The following PEBP4 variants were observed in gnomAD, a reference collection of about 807,000 sequenced individuals.
The protein encoded by PEBP4 is phosphatidylethanolamine binding protein 4.
Under a neutral mutation model 23.9 loss-of-function variants are expected in PEBP4, and 22 were observed. That is an observed-to-expected ratio of 0.92 (90% CI 0.66 to 1.31). The LOEUF (loss-of-function observed/expected upper bound fraction) is 1.31, where lower values mean the gene tolerates loss of function less well. Ranked by LOEUF, PEBP4 falls within the 40% of genes most tolerant of loss-of-function variation. The pLI is 0.00. For missense variants in PEBP4, 324 were observed against 281.7 expected (o/e 1.15, Z -1.07); for synonymous variants, 112 against 99.3 (o/e 1.13, Z -0.76).
At chr8:22,809,042 C>G (rs1240051097) in intron 4 of PEBP4, among the ~76,000 whole-genome samples, 2 of 152,108 alleles carry the variant, frequency 1.3e-5, no homozygotes, top group Non-Finnish European at 2.9e-5. Context: ...TTGGGAGTGA[C>G]ATACATTTTG....
intron 3 of PEBP4, among the ~76,000 whole-genome samples, chr8:22,838,266 T>C (rs1176387207): frequency 6.6e-6 from 1 of 152,226 alleles, no homozygotes; most frequent in African/African-American, 2.4e-5. Flanking sequence ...CCTAGCATAC[T>C]TTCTTGCACA....
At chr8:22,928,274 G>A (rs1182973992), upstream of PEBP4, among the ~76,000 whole-genome samples, 1 of 152,234 alleles carries the variant, frequency 6.6e-6, no homozygotes, top group African/African-American at 2.4e-5. Flanking sequence ...GGTGGAGGTG[G>A]TTGGACACAG....
At chr8:22,832,301 C>T (rs1457471641) in intron 3 of PEBP4, among the ~76,000 whole-genome samples, 2 of 152,106 alleles carry the variant, frequency 1.3e-5, no homozygotes, top group Admixed American at 6.5e-5. Context: ...TTGTGATGGG[C>T]TAGGTACCTT....
chr8:22,773,798 G>C (rs777490081), intron 4 of PEBP4, among the ~76,000 whole-genome samples: 2 of 152,166 alleles, frequency 1.3e-5, no homozygotes, highest in South Asian at 4.1e-4. Context: ...AGGGTTGCTT[G>C]CTGTTCCAAC....
At chr8:22,810,554 A>G (rs974647314) in intron 4 of PEBP4, among the ~76,000 whole-genome samples, 3 of 151,688 alleles carry the variant, frequency 2.0e-5, no homozygotes, top group Non-Finnish European at 4.4e-5. Flanking sequence ...GGTCTTATAC[A>G]TTTTCTGGCT....
intron 6 of PEBP4, among the ~76,000 whole-genome samples, chr8:22,717,030 C>G (rs964246265): frequency 6.6e-6 from 1 of 152,210 alleles, no homozygotes; most frequent in African/African-American, 2.4e-5. Context: ...AGACAAGGTC[C>G]CCACCCCTAG....
intron 4 of PEBP4, among the ~76,000 whole-genome samples, chr8:22,729,681 C>A (rs1351048122): frequency 6.6e-6 from 1 of 152,256 alleles, no homozygotes; most frequent in Non-Finnish European, 1.5e-5. Flanking sequence ...CCAGCAGATC[C>A]TGTGCTTGAC....
intron 6 of PEBP4, among the ~76,000 whole-genome samples, chr8:22,714,755 C>T (rs773199698): frequency 1.4e-4 from 22 of 152,062 alleles, no homozygotes; most frequent in Non-Finnish European, 3.2e-4. Context: ...ACCTGCCTGT[C>T]TCCTCGGTCA....
At chr8:22,765,151 T>TCCTTCCTTCCTTCCTG (rs71206546) in intron 4 of PEBP4, among the ~76,000 whole-genome samples, 1 of 151,592 alleles carries the variant, frequency 6.6e-6, no homozygotes, top group Non-Finnish European at 1.5e-5. Context: ...CTTCCTTCCT[T>TCCTTCCTTCCTTCCTG]TCTTTCTTCT....
intron 4 of PEBP4, among the ~76,000 whole-genome samples, chr8:22,788,746 G>A (rs1806078143): frequency 6.6e-6 from 1 of 152,172 alleles, no homozygotes; most frequent in Non-Finnish European, 1.5e-5. Flanking sequence ...TAGTTAACAT[G>A]TACCAAAAAG....
chr8:22,714,047 A>G (rs1390793329), intron 6 of PEBP4, among the ~76,000 whole-genome samples: 1 of 152,064 alleles, frequency 6.6e-6, no homozygotes, highest in Non-Finnish European at 1.5e-5. Context: ...CTAAACCCCA[A>G]ACACCTCCTC....
chr8:22,724,888 C>T lies in PEBP4; in HGVS notation c.472G>A (p.Glu158Lys), dbSNP rs1804591777. The part of the protein sequence containing the change: ...HRYQFFVYLQ[E>K]GKVISLLPKE... ...GGAAGGAGAGAGATGACTTTTCCTT[C>T]CTGAAGATAGACAAAGAACTGGTAG... Residue 158 changes from glutamate to lysine, a missense_variant, in exon 6 of 7, where the codon GAA becomes AAA. Physicochemically the swap from Glu to Lys is moderately conservative, Grantham distance 56. Coordinates refer to ENST00000256404, the MANE Select transcript of PEBP4 (RefSeq NM_144962.3). 2 of 1,614,110 alleles carry T rather than the reference C, an allele frequency of 1.2e-6. No homozygotes were observed. The highest frequency in any genetic ancestry group is 8.5e-7 in the Non-Finnish European group (1 of 1,180,018).
intron 3 of PEBP4, among the ~76,000 whole-genome samples, chr8:22,857,977 G>C (rs1363932273): frequency 2.0e-5 from 3 of 152,174 alleles, no homozygotes; most frequent in African/African-American, 7.2e-5. Context: ...ACCGTCCATG[G>C]GGCAAACTCT....
chr8:22,723,891 C>T (rs542037832), intron 6 of PEBP4, among the ~76,000 whole-genome samples: 129 of 152,282 alleles, frequency 8.5e-4, no homozygotes, highest in African/African-American at 3.1e-3. Flanking sequence ...GTGGGGCCTC[C>T]GGCATCGCGG....
At chr8:22,836,599 C>G (rs982366153) in intron 3 of PEBP4, among the ~76,000 whole-genome samples, 1 of 152,246 alleles carries the variant, frequency 6.6e-6, no homozygotes, top group African/African-American at 2.4e-5. Context: ...AAGGAACGCT[C>G]TCGCCTGGCT....
chr8:22,891,890 G>A (rs369393070), intron 3 of PEBP4, among the ~76,000 whole-genome samples: 3 of 152,204 alleles, frequency 2.0e-5, no homozygotes, highest in Admixed American at 6.5e-5. Context: ...TGGCTGACAC[G>A]GTGAAACCCC....
At chr8:22,750,944 T>A (rs1297517496) in intron 4 of PEBP4, among the ~76,000 whole-genome samples, 4 of 152,130 alleles carry the variant, frequency 2.6e-5, no homozygotes, top group Non-Finnish European at 5.9e-5. Context: ...GAGAAAAAAA[T>A]GCCTGGGTAA....
At chr8:22,821,094 G>A (rs918607249) in intron 3 of PEBP4, among the ~76,000 whole-genome samples, 6 of 152,158 alleles carry the variant, frequency 3.9e-5, no homozygotes, top group African/African-American at 1.4e-4. Flanking sequence ...TCGGGAGGCT[G>A]AAGTGGAAGG....
In PEBP4 at chr8:22,865,029, C is replaced by A. The variant is rs914832080; in HGVS notation, c.259-47294G>T. The stretch of plus-strand genomic sequence containing the variant: ...CAGGTGTGACCGTGAGAGAGGGAGG[C>A]AGGCGGCGAGGCCAAGGGGTAGGTC... On this transcript the variant is annotated intron_variant, in intron 3 of 6. Coordinates refer to ENST00000256404, the MANE Select transcript of PEBP4 (RefSeq NM_144962.3). This position sits in a 1 kb window ranked among gnomAD's most constrained non-coding sequence, Gnocchi z 6.9. Among the ~76,000 whole-genome samples the A allele has an allele frequency of 2.0e-5, 3 of 152,110 alleles. No homozygotes were observed. Among genetic ancestry groups the A allele is most frequent in the African/African-American group, 7.2e-5 (3 of 41,412 alleles).
Sources: gnomAD v4.1 joint callset for allele counts (sites outside exome capture counted in the v4.1 genomes callset) on GRCh38, gnomAD v4.1.1 for gene constraint, Gnocchi (gnomAD v3.1) non-coding constraint, MANE v1.5 for transcripts, NCBI Gene and HGNC (gene_info 2026-07-23, HGNC 2026-07-21) for gene names.